CARF: variants seen among roughly 807,000 people sequenced by gnomAD.
CARF encodes calcium responsive transcription factor.
A neutral mutation model predicts 82.0 loss-of-function variants in CARF; 57 were observed. That is an observed-to-expected ratio of 0.70 (90% CI 0.56 to 0.87). CARF has a LOEUF of 0.87. Ranked by LOEUF, CARF falls within the 40% of genes least tolerant of loss-of-function variation. CARF has a pLI of 0.00. For missense variants in CARF, 771 were observed against 855.8 expected, an observed-to-expected ratio of 0.90 and a Z score of 1.24; for synonymous variants, 268 against 290.1, an observed-to-expected ratio of 0.92 and a Z score of 0.77.
intron 9 of CARF, chr2:202,961,702 T>C: frequency 2.2e-6 from 1 of 458,250 alleles, no homozygotes; most frequent in Non-Finnish European, 3.8e-6. Context: ...TTTAATAAAA[T>C]GTTAAAAGAG....
chr2:202,961,511 T>G, intron 9 of CARF, 85 bp downstream of exon 9: 1 of 1,226,842 alleles, frequency 8.2e-7, no homozygotes. Context: ...GTGATAACAT[T>G]TTTATTTTGG....
chr2:202,982,171 A>G lies in CARF; in HGVS notation c.1789A>G (p.Thr597Ala). ...PSSSPSGLLD[T>A]IGSAVMNNNS... ...CTCTAGTCCTTCAGGACTTCTGGATACAATAGGAAGTGCTGTAATGAATAA... is the reference window on the plus strand; with the variant it reads ...CTCTAGTCCTTCAGGACTTCTGGATGCAATAGGAAGTGCTGTAATGAATAA... Residue 597 changes from threonine (T) to alanine (A), a missense_variant, in exon 16 of 17, where the codon ACA (threonine) becomes GCA (alanine). By Grantham distance (58) the Thr-to-Ala change is moderately conservative. Coordinates refer to ENST00000438828, the MANE Select transcript of CARF (RefSeq NM_024744.17). The G allele has an allele frequency of 2.5e-6, 4 of 1,614,196 alleles. No homozygotes were observed. The highest frequency in any genetic ancestry group is 2.2e-5 in the South Asian group (2 of 91,080).
chr2:202,937,463 T>A (rs1001269985), intron 3 of CARF, among the ~76,000 whole-genome samples: 1 of 152,138 alleles, frequency 6.6e-6, no homozygotes, highest in Non-Finnish European at 1.5e-5. Context: ...TGAAATATTT[T>A]TTTTTGCTAA....
intron 1 of CARF, among the ~76,000 whole-genome samples, chr2:202,916,256 C>T (rs1415907534): frequency 2.6e-5 from 4 of 152,064 alleles, no homozygotes; most frequent in African/African-American, 9.7e-5. Flanking sequence ...TCTTGGCTCC[C>T]TGCGACCTGT....
Position 202,974,425 on chromosome 2 carries a change from CA to C in CARF, c.1424del (p.His475ProfsTer9). The C allele has an allele frequency of 3.1e-6, 5 of 1,609,100 alleles. No individual in the cohort carries two copies. The highest frequency in any genetic ancestry group is 4.2e-6 in the Non-Finnish European group (5 of 1,178,432). ...TCCAACTGTAAATGATATAAAAAAT[CA>C]CATCCATGAGGTACAGAAATCCTTG... ...FFPTVNDIKN[H>X]IHEVQKSLRN... is the part of the protein sequence containing the mutation. On this transcript the variant is annotated frameshift_variant, in exon 13 of 17. Transcript: ENST00000438828. LOFTEE classifies it high-confidence loss of function.
At chr2:202,922,980 G>T (rs777326123) in intron 2 of CARF, among the ~76,000 whole-genome samples, 4 of 152,052 alleles carry the variant, frequency 2.6e-5, no homozygotes, top group Admixed American at 6.6e-5. Context: ...GGTGGCTCAC[G>T]CCTGTAATCC....
intron 13 of CARF, 48 bp from the exon 14 acceptor site, chr2:202,977,221 T>G (rs2060071429): frequency 7.3e-7 from 1 of 1,378,526 alleles, no homozygotes; most frequent in African/African-American, 1.4e-5. Flanking sequence ...TAAGATATTT[T>G]TCAATATAAG....
intron 3 of CARF, chr2:202,925,491 T>C: frequency 3.9e-6 from 1 of 253,234 alleles, no homozygotes; most frequent in Non-Finnish European, 7.9e-6. Flanking sequence ...ACAAGGAGTA[T>C]TAGGAATATG....
intron 13 of CARF, among the ~76,000 whole-genome samples, chr2:202,975,253 A>T (rs911514706): frequency 6.6e-6 from 1 of 152,142 alleles, no homozygotes; most frequent in African/African-American, 2.4e-5. Flanking sequence ...CAGAAGATAA[A>T]GACCATCCTG....
At chr2:202,918,494 C>T (rs1272752877) in intron 2 of CARF, among the ~76,000 whole-genome samples, 1 of 152,038 alleles carries the variant, frequency 6.6e-6, no homozygotes, top group Non-Finnish European at 1.5e-5. Context: ...AGTGCCACTG[C>T]ACTCCAGTAC....
In CARF at chr2:202,982,460, A is replaced by G; in HGVS notation, c.2059+19A>G. On this transcript the variant is annotated intron_variant, in intron 16 of 16. Coordinates refer to ENST00000438828, the MANE Select transcript of CARF (RefSeq NM_024744.17). ...GCTCTTAGTAAGTTGAAATCAATTT[A>G]TGATGTTATTGTTGTAACCTTTGTG... 1 of 1,612,590 alleles carries G rather than the reference A, an allele frequency of 6.2e-7. No homozygotes were observed. The highest frequency in any genetic ancestry group is 8.5e-7 in the Non-Finnish European group (1 of 1,179,260).
chr2:202,918,805 T>G (rs1033340743), intron 2 of CARF, among the ~76,000 whole-genome samples: 1 of 152,222 alleles, frequency 6.6e-6, no homozygotes, highest in Non-Finnish European at 1.5e-5. Context: ...ATTTCAACAA[T>G]GGGTTAGGTC....
chr2:202,961,863 T>C (rs932898679), intron 9 of CARF: 2 of 198,666 alleles, frequency 1.0e-5, no homozygotes, highest in Non-Finnish European at 2.0e-5. Flanking sequence ...TTGTATACAA[T>C]CTAGAGTTAT....
chr2:202,964,883 G>A (rs867891410), intron 9 of CARF, among the ~76,000 whole-genome samples: 8 of 144,940 alleles, frequency 5.5e-5, no homozygotes, highest in Non-Finnish European at 1.2e-4. Flanking sequence ...ACATATATGT[G>A]TATATATATA....
chr2:202,960,177 A>G (rs1423213655), intron 8 of CARF, among the ~76,000 whole-genome samples: 1 of 152,184 alleles, frequency 6.6e-6, no homozygotes. Context: ...AAATTATGCT[A>G]ATTTCCATAA....
Position 202,987,902 on chromosome 2 carries a change from T to C in CARF, c.*4278T>C, listed in dbSNP as rs887721231. Among the ~76,000 whole-genome samples, 4 of 152,176 alleles carry C rather than the reference T, an allele frequency of 2.6e-5. No homozygotes were observed. The highest frequency in any genetic ancestry group is 4.4e-5 in the Non-Finnish European group (3 of 68,042). On this transcript the variant is annotated 3_prime_UTR_variant, in exon 17 of 17. Coordinates refer to ENST00000438828, the MANE Select transcript of CARF (RefSeq NM_024744.17). ...TCATATGCATACAGCCATGAAATCA[T>C]CAGCATAAGCAAGGTAATGAACATA...
At chr2:202,923,462 G>C (rs2105958901) in intron 2 of CARF, among the ~76,000 whole-genome samples, 1 of 152,230 alleles carries the variant, frequency 6.6e-6, no homozygotes, top group South Asian at 2.1e-4. Flanking sequence ...ACAAAACACT[G>C]CTGAAACATA....
rs1296771959 is a variant in CARF, at chr2:202,988,141, CATTT to C, written c.*4520_*4523del. The stretch of plus-strand genomic sequence containing the variant: ...TATATTGTTGCATTTATGAATAAAT[CATTT>C]ATCTGCTGCTGAGTAGAACTGCATT... On this transcript the variant is annotated 3_prime_UTR_variant, in exon 17 of 17. Transcript: ENST00000438828. Among the ~76,000 whole-genome samples the C allele has an allele frequency of 2.0e-5, 3 of 152,152 alleles. No homozygotes were observed. The highest frequency in any genetic ancestry group is 4.8e-5 in the African/African-American group (2 of 41,436).
chr2:202,917,440 T>C (rs1206158391), intron 1 of CARF, among the ~76,000 whole-genome samples: 3 of 152,120 alleles, frequency 2.0e-5, no homozygotes, highest in Non-Finnish European at 4.4e-5. Flanking sequence ...CTCTCTTTAA[T>C]TGTAATACGC....
Sources: gnomAD v4.1 joint callset for allele counts (sites outside exome capture counted in the v4.1 genomes callset) on GRCh38, gnomAD v4.1.1 for gene constraint, MANE v1.5 for transcripts, NCBI Gene and HGNC (gene_info 2026-07-23, HGNC 2026-07-21) for gene names.